CDYL2: variants seen among roughly 807,000 people sequenced by gnomAD.
The protein encoded by CDYL2 is chromodomain Y like 2.
Under a neutral mutation model 49.4 loss-of-function variants are expected in CDYL2, and 23 were observed. The observed-to-expected ratio is 0.47, with a 90% CI of 0.34 to 0.66. The LOEUF (loss-of-function observed/expected upper bound fraction) is 0.66. CDYL2 is among the 30% of genes least tolerant of loss of function. The pLI, the probability that CDYL2 is intolerant of heterozygous loss-of-function variation, is 0.01. For synonymous variants in CDYL2, 360 were observed against 268.8 expected, an observed-to-expected ratio of 1.34 and a Z score of -3.32; for missense variants, 678 against 656.4, an observed-to-expected ratio of 1.03 and a Z score of -0.36.
At chr16:80,661,193 T>A (rs559278543) in intron 2 of CDYL2, among the ~76,000 whole-genome samples, 1 of 151,964 alleles carries the variant, frequency 6.6e-6, no homozygotes, top group Admixed American at 6.5e-5. Context: ...GGAGGAAAAG[T>A]TTAGACAGAT....
chr16:80,794,700 C>T (rs927104797), intron 1 of CDYL2, among the ~76,000 whole-genome samples: 1 of 150,216 alleles, frequency 6.7e-6, no homozygotes, highest in Non-Finnish European at 1.5e-5. Flanking sequence ...CAACCTCCAC[C>T]TCCCAGGTTC....
At chr16:80,787,379 T>C (rs1907472041) in intron 1 of CDYL2, among the ~76,000 whole-genome samples, 1 of 152,174 alleles carries the variant, frequency 6.6e-6, no homozygotes, top group South Asian at 2.1e-4. Flanking sequence ...CATGCCAAAA[T>C]GGAAGAGACT....
chr16:80,678,417 G>C (rs910321475), intron 2 of CDYL2, among the ~76,000 whole-genome samples: 62 of 151,876 alleles, frequency 4.1e-4, no homozygotes, highest in African/African-American at 1.3e-3. Flanking sequence ...ATTTACAAGA[G>C]AAAAACAAAC....
In CDYL2 at chr16:80,607,597, C is replaced by T. The variant is rs111840753; in HGVS notation, c.1362+495G>A. On this transcript the variant is annotated intron_variant, in intron 6 of 6. Coordinates refer to ENST00000570137, the MANE Select transcript of CDYL2 (RefSeq NM_152342.4). Reference sequence around the variant, plus strand: ...ACTTAATTAAAAACCACTGCCTCTGCAGAGGTGTTATTTGTTTATGTATTT... The same window carrying T: ...ACTTAATTAAAAACCACTGCCTCTGTAGAGGTGTTATTTGTTTATGTATTT... Among the ~76,000 whole-genome samples, 134 of 152,322 alleles carry T rather than the reference C, an allele frequency of 8.8e-4. 1 individual carries two copies. Among genetic ancestry groups the T allele is most frequent in the Non-Finnish European group, 1.4e-3 (96 of 68,038 alleles).
chr16:80,641,555 T>C (rs1253132526), intron 2 of CDYL2, among the ~76,000 whole-genome samples: 2 of 151,956 alleles, frequency 1.3e-5, no homozygotes, highest in African/African-American at 4.8e-5. Context: ...CACCGTGGAA[T>C]ACTAAGCAGC....
chr16:80,764,194 T>A (rs1049926795), intron 1 of CDYL2, among the ~76,000 whole-genome samples: 1 of 152,228 alleles, frequency 6.6e-6, no homozygotes, highest in African/African-American at 2.4e-5. Flanking sequence ...CATTTTCCTA[T>A]ATTTCAGAAA....
intron 1 of CDYL2, among the ~76,000 whole-genome samples, chr16:80,733,659 GCAGTTGTCAC>G (rs1165143967): frequency 6.6e-6 from 1 of 152,162 alleles, no homozygotes; most frequent in Non-Finnish European, 1.5e-5. Context: ...CTCAAGTAAA[GCAGTTGTCAC>G]CACAAAGGAA....
At chr16:80,743,736 A>C (rs927127888) in intron 1 of CDYL2, among the ~76,000 whole-genome samples, 3 of 152,014 alleles carry the variant, frequency 2.0e-5, no homozygotes, top group African/African-American at 7.3e-5. Context: ...GATTTTCTAT[A>C]ATATATATCA....
At chr16:80,716,877 G>T (rs1293743045) in intron 1 of CDYL2, among the ~76,000 whole-genome samples, 1 of 151,808 alleles carries the variant, frequency 6.6e-6, no homozygotes, top group Non-Finnish European at 1.5e-5. Flanking sequence ...ATGGATGGAT[G>T]ACTGGATGGA....
intron 1 of CDYL2, among the ~76,000 whole-genome samples, chr16:80,713,985 T>C (rs1371694445): frequency 6.6e-6 from 1 of 152,194 alleles, no homozygotes; most frequent in Non-Finnish European, 1.5e-5. Context: ...CCTTCAGGTC[T>C]TCCCAGCAGA....
intron 3 of CDYL2, among the ~76,000 whole-genome samples, chr16:80,631,559 T>C (rs1272661809): frequency 1.3e-5 from 2 of 152,220 alleles, no homozygotes; most frequent in Non-Finnish European, 2.9e-5. Context: ...ACAGACTTTA[T>C]CAAAATTTAA....
intron 1 of CDYL2, among the ~76,000 whole-genome samples, chr16:80,794,598 ATTTTTTTTTTTTTTTTTT>A (rs966789395): frequency 3.0e-5 from 2 of 66,830 alleles, no homozygotes; most frequent in Admixed American, 3.2e-4. Flanking sequence ...ATTCCCAGTG[ATTTTTTTTTTTTTTTTTT>A]TTTTTTTTTT....
intron 4 of CDYL2, 42 bp downstream of exon 4, chr16:80,620,721 C>A: frequency 6.7e-7 from 1 of 1,493,378 alleles, no homozygotes; most frequent in Non-Finnish European, 9.0e-7. Context: ...CTTGGTAATC[C>A]TACGCAGGAC....
intron 1 of CDYL2, among the ~76,000 whole-genome samples, chr16:80,705,269 G>C (rs1037158314): frequency 6.6e-6 from 1 of 152,202 alleles, no homozygotes; most frequent in Admixed American, 6.5e-5. Flanking sequence ...AGGTAAGACC[G>C]TCCCTCAGGG....
chr16:80,783,349 C>T (rs527948274), intron 1 of CDYL2, among the ~76,000 whole-genome samples: 163 of 152,186 alleles, frequency 1.1e-3, no homozygotes, highest in African/African-American at 3.6e-3. Flanking sequence ...TGGCTATAAT[C>T]AAAAAACAGA....
chr16:80,748,041 C>T (rs1288132643), intron 1 of CDYL2, among the ~76,000 whole-genome samples: 1 of 151,624 alleles, frequency 6.6e-6, no homozygotes, highest in African/African-American at 2.4e-5. Context: ...GCCTCCACCC[C>T]AGTGACCAGA....
intron 1 of CDYL2, among the ~76,000 whole-genome samples, chr16:80,716,848 G>T (rs996868173): frequency 1.3e-5 from 2 of 150,790 alleles, no homozygotes; most frequent in Admixed American, 6.6e-5. Context: ...GATAGATGAT[G>T]TATGTAATGT....
intron 1 of CDYL2, among the ~76,000 whole-genome samples, chr16:80,776,766 C>G (rs933654784): frequency 1.3e-5 from 2 of 151,186 alleles, no homozygotes; most frequent in Non-Finnish European, 2.9e-5. Flanking sequence ...AATTTTAAAC[C>G]CAGGAAAAAT....
intron 2 of CDYL2, among the ~76,000 whole-genome samples, chr16:80,671,724 C>T (rs1185557435): frequency 1.3e-5 from 2 of 152,210 alleles, no homozygotes; most frequent in Non-Finnish European, 2.9e-5. Context: ...TCCTCTTGTT[C>T]CCCTTAAACA....
Sources: gnomAD v4.1 joint callset for allele counts (sites outside exome capture counted in the v4.1 genomes callset) on GRCh38, gnomAD v4.1.1 for gene constraint, MANE v1.5 for transcripts, NCBI Gene and HGNC (gene_info 2026-07-23, HGNC 2026-07-21) for gene names.